The following PHF21A variants were observed in gnomAD, a reference collection of about 807,000 sequenced individuals.
PHF21A encodes the protein BHC80a.
PHF21A carries 11 observed loss-of-function variants against 82.5 expected under a neutral mutation model. The observed-to-expected ratio is 0.13, with a 90% CI of 0.08 to 0.22. PHF21A has a LOEUF of 0.22. PHF21A is among the 10% of genes least tolerant of loss of function. The probability of loss-of-function intolerance (pLI) is 1.00; values close to 1 mark genes in which losing one functional copy is unlikely to be tolerated. For missense variants in PHF21A, 579 were observed against 837.8 expected (o/e 0.69, Z 3.81); for synonymous variants, 297 against 302.8 (o/e 0.98, Z 0.20).
Position 45,931,273 on chromosome 11 carries a change from T to TAG in PHF21A, c.*2693_*2694dup, listed in dbSNP as rs3833430. On this transcript the variant is annotated 3_prime_UTR_variant, in exon 19 of 19. Transcript: ENST00000676320. ...CAACTTCTTTCAGGAAAAGGTAAGT[T>TAG]AGGTGTTGTGTGGCAACCCCCAGAT... 0.59 allele frequency: 89,964 copies of TAG among 151,848 alleles called. 27,365 individuals carry two copies. Among genetic ancestry groups the TAG allele is most frequent in the Middle Eastern group, 0.71 (206 of 292 alleles). The allele number at this position is 151,848 out of a possible 1,614,324, so 9.4% of individuals were successfully genotyped here.
chr11:46,047,835 A>C (rs2096278939), intron 6 of PHF21A, among the ~76,000 whole-genome samples: 1 of 152,222 alleles, frequency 6.6e-6, no homozygotes, highest in Non-Finnish European at 1.5e-5. Flanking sequence ...TGGGTAAACA[A>C]TGGCACACTA....
At chr11:46,071,712 C>A in intron 6 of PHF21A, among the ~76,000 whole-genome samples, 1 of 127,982 alleles carries the variant, frequency 7.8e-6, no homozygotes, top group African/African-American at 2.9e-5. Context: ...GTATATCTAT[C>A]AAAGCAATAT....
intron 10 of PHF21A, among the ~76,000 whole-genome samples, chr11:45,965,041 T>C (rs768708847): frequency 6.6e-6 from 1 of 152,200 alleles, no homozygotes; most frequent in Non-Finnish European, 1.5e-5. Context: ...CAGCAGAGCC[T>C]GTCTGTGAAT....
At chr11:46,088,026 G>C (rs951733588) in intron 3 of PHF21A, among the ~76,000 whole-genome samples, 2 of 152,090 alleles carry the variant, frequency 1.3e-5, no homozygotes, top group African/African-American at 4.8e-5. Flanking sequence ...CCAAAGTGTG[G>C]GATTACAGGT....
chr11:45,962,166 T>C (rs1045287524), intron 10 of PHF21A, among the ~76,000 whole-genome samples: 3 of 152,174 alleles, frequency 2.0e-5, no homozygotes, highest in African/African-American at 4.8e-5. Flanking sequence ...ACCTTATATA[T>C]AGACATCACA....
chr11:46,085,716 T>C (rs1163692296), intron 3 of PHF21A, among the ~76,000 whole-genome samples: 3 of 152,168 alleles, frequency 2.0e-5, no homozygotes, highest in East Asian at 3.8e-4. Context: ...CTAAATATTA[T>C]TTACCTATGG....
chr11:45,960,191 G>A lies in PHF21A; in HGVS notation c.996+5124C>T, dbSNP rs538601190. Among the ~76,000 whole-genome samples, 13 of 152,284 alleles carry A rather than the reference G, an allele frequency of 8.5e-5. No individual in the cohort carries two copies. The South Asian group carries it at 2.1e-3, about 24-fold the overall frequency. On this transcript the variant is annotated intron_variant, in intron 10 of 18. Coordinates refer to ENST00000676320, the MANE Select transcript of PHF21A (RefSeq NM_001352027.3). Reference sequence around the variant, plus strand: ...TCTACTCCTAGGTATATACCCTAAAGAACTGAAAACAAGTAGTCATACAAA... The same window carrying A: ...TCTACTCCTAGGTATATACCCTAAAAAACTGAAAACAAGTAGTCATACAAA...
chr11:46,090,919 C>CA (rs994764984), intron 2 of PHF21A, among the ~76,000 whole-genome samples: 6 of 151,692 alleles, frequency 4.0e-5, no homozygotes, highest in Admixed American at 2.0e-4. Flanking sequence ...TGATTTTTCA[C>CA]AAAAAAAATT....
At chr11:46,090,853 ACACTAAG>A (rs2096916105) in intron 2 of PHF21A, among the ~76,000 whole-genome samples, 2 of 152,072 alleles carry the variant, frequency 1.3e-5, no homozygotes. Flanking sequence ...CATTATTGGA[ACACTAAG>A]CTTGTGGGAG....
At chr11:46,037,083 G>T (rs2096020530) in intron 6 of PHF21A, among the ~76,000 whole-genome samples, 1 of 151,806 alleles carries the variant, frequency 6.6e-6, no homozygotes, top group Non-Finnish European at 1.5e-5. Flanking sequence ...TTTTTCCCTT[G>T]GTCAGTATAG....
chr11:45,964,844 T>C (rs1463123171), intron 10 of PHF21A, among the ~76,000 whole-genome samples: 1 of 152,238 alleles, frequency 6.6e-6, no homozygotes, highest in Non-Finnish European at 1.5e-5. Flanking sequence ...TTGGAAATTT[T>C]AATTTTTTTT....
At chr11:45,985,738 C>A (rs2094468971) in intron 6 of PHF21A, among the ~76,000 whole-genome samples, 1 of 152,138 alleles carries the variant, frequency 6.6e-6, no homozygotes, top group African/African-American at 2.4e-5. Flanking sequence ...TTAAAAAGTA[C>A]ATATCCTTTT....
At position 45,964,096 on chromosome 11, in the gene PHF21A, C is replaced by T. The variant is rs1042411983; in HGVS notation, c.996+1219G>A. On this transcript the variant is annotated intron_variant, in intron 10 of 18. Transcript: ENST00000676320. Reference sequence around the variant, plus strand: ...CCTGTAATCCCAGCTACTCAGGAGGCTGAGGCAAGGAGAATCACTTGAACC... The same window carrying T: ...CCTGTAATCCCAGCTACTCAGGAGGTTGAGGCAAGGAGAATCACTTGAACC... 2.6e-5 allele frequency among the ~76,000 whole-genome samples: 4 copies of T among 151,538 alleles called. No homozygotes were observed. The East Asian group carries it at 7.7e-4, about 29-fold the overall frequency.
At chr11:45,961,588 T>G (rs2093078562) in intron 10 of PHF21A, among the ~76,000 whole-genome samples, 1 of 152,170 alleles carries the variant, frequency 6.6e-6, no homozygotes, top group South Asian at 2.1e-4. Context: ...CGTGGCAATT[T>G]TTTTCCCCAC....
chr11:45,951,146 A>AT (rs2092054332), intron 11 of PHF21A, among the ~76,000 whole-genome samples: 1 of 152,190 alleles, frequency 6.6e-6, no homozygotes, highest in Admixed American at 6.5e-5. Context: ...GTGTGTCTTC[A>AT]TTTTCTGTTG....
intron 6 of PHF21A, among the ~76,000 whole-genome samples, chr11:46,074,604 G>C (rs2096704180): frequency 6.6e-6 from 1 of 152,216 alleles, no homozygotes; most frequent in Non-Finnish European, 1.5e-5. Context: ...CTGGGTTCAA[G>C]CAATTCTCCT....
intron 6 of PHF21A, among the ~76,000 whole-genome samples, chr11:46,013,486 T>C (rs933235223): frequency 6.6e-6 from 1 of 152,144 alleles, no homozygotes; most frequent in Non-Finnish European, 1.5e-5. Flanking sequence ...CGTGAGTAAC[T>C]AAAGCCACAG....
At chr11:46,027,662 C>T (rs2095777597) in intron 6 of PHF21A, among the ~76,000 whole-genome samples, 1 of 152,206 alleles carries the variant, frequency 6.6e-6, no homozygotes, top group African/African-American at 2.4e-5. Flanking sequence ...TCTCCTTATT[C>T]ACCTTCCATC....
chr11:45,962,859 C>G (rs2093190202), intron 10 of PHF21A, among the ~76,000 whole-genome samples: 1 of 151,656 alleles, frequency 6.6e-6, no homozygotes, highest in African/African-American at 2.4e-5. Context: ...TGCCACTGCA[C>G]TCCAGCCTGG....
Sources: gnomAD v4.1 joint callset for allele counts (sites outside exome capture counted in the v4.1 genomes callset) on GRCh38, gnomAD v4.1.1 for gene constraint, MANE v1.5 for transcripts, NCBI Gene and HGNC (gene_info 2026-07-23, HGNC 2026-07-21) for gene names.